FDFT1: variants seen among roughly 807,000 people sequenced by gnomAD.
The protein encoded by FDFT1 is squalene synthase.
Under a neutral mutation model 46.8 loss-of-function variants are expected in FDFT1, and 68 were observed. That is an observed-to-expected ratio of 1.45 (90% CI 1.19 to 1.78). FDFT1 has a LOEUF of 1.78. Among genes scored for constraint, FDFT1 ranks in the 40% most tolerant of loss-of-function variants. FDFT1 has a pLI of 0.00. For synonymous variants in FDFT1, 351 were observed against 185.1 expected (o/e 1.90, Z -7.28); for missense variants, 928 against 524.4 (o/e 1.77, Z -7.52).
intron 7 of FDFT1, among the ~76,000 whole-genome samples, chr8:11,833,436 A>G (rs1393290215): frequency 6.6e-6 from 1 of 152,224 alleles, no homozygotes; most frequent in African/African-American, 2.4e-5. Context: ...TATAAACTAG[A>G]AACATTTTAT....
intron 3 of FDFT1, among the ~76,000 whole-genome samples, chr8:11,817,221 ACTTGATC>A (rs1554520422): frequency 1.3e-5 from 2 of 152,226 alleles, no homozygotes; most frequent in Non-Finnish European, 2.9e-5. Context: ...GATGAAGCCG[ACTTGATC>A]GTGGTGGATA....
Position 11,831,528 on chromosome 8 carries a change from T to C in FDFT1, c.890T>C (p.Ile297Thr). 1 of 1,614,088 alleles carries C rather than the reference T, an allele frequency of 6.2e-7. No homozygotes were observed. Among genetic ancestry groups the C allele is most frequent in the South Asian group, 1.1e-5 (1 of 91,080 alleles). Residue 297 changes from isoleucine to threonine, a missense_variant, in exon 7 of 8, where the codon ATT becomes ACT. Transcript: ENST00000220584. ...TCTTGTTGTCTCTAGGTGATGGCCA[T>C]TGCCACTTTGGCTGCCTGTTATAAT... ...NFCAIPQVMA[I>T]ATLAACYNNQ... is the part of the protein sequence containing the mutation.
At chr8:11,806,053 T>A (rs1014592713) in intron 1 of FDFT1, among the ~76,000 whole-genome samples, 2 of 152,196 alleles carry the variant, frequency 1.3e-5, no homozygotes, top group Non-Finnish European at 2.9e-5. Context: ...AAATCTATTC[T>A]ATTTTAAAGT....
In FDFT1 at chr8:11,814,791, T is replaced by G. The variant is rs556095457; in HGVS notation, c.381+4941T>G. Among the ~76,000 whole-genome samples the G allele has an allele frequency of 7.1e-4, 107 of 149,778 alleles. 1 individual carries two copies. The highest frequency in any genetic ancestry group is 2.3e-3 in the African/African-American group (93 of 40,822). Reference sequence around the variant, plus strand: ...AACTCTATAGCTTCATAATATAAATTGGGTAACTAATGAGATAAAATGGTT... The same window carrying G: ...AACTCTATAGCTTCATAATATAAATGGGGTAACTAATGAGATAAAATGGTT... On this transcript the variant is annotated intron_variant, in intron 3 of 7. Coordinates refer to ENST00000220584, the MANE Select transcript of FDFT1 (RefSeq NM_004462.5).
chr8:11,828,272 C>A (rs1810285627), intron 5 of FDFT1, among the ~76,000 whole-genome samples: 1 of 152,114 alleles, frequency 6.6e-6, no homozygotes, highest in South Asian at 2.1e-4. Flanking sequence ...GCCTGGGAGA[C>A]AGAGCAAAAC....
chr8:11,819,998 C>A (rs1236784748), intron 3 of FDFT1, among the ~76,000 whole-genome samples: 2 of 152,106 alleles, frequency 1.3e-5, no homozygotes, highest in Admixed American at 1.3e-4. Context: ...TACCTTTGGT[C>A]TTTGATTTTG....
At chr8:11,801,508 C>G (rs1241507627), upstream of FDFT1, among the ~76,000 whole-genome samples, 2 of 152,094 alleles carry the variant, frequency 1.3e-5, no homozygotes, top group African/African-American at 4.8e-5. Context: ...TTAGTAGAGA[C>G]GCAGTTTCAG....
Position 11,802,749 on chromosome 8 carries a change from T to C in FDFT1, c.-84T>C, listed in dbSNP as rs746580181. 1.4e-4 allele frequency: 152 copies of C among 1,065,874 alleles called. No individual in the cohort carries two copies. The highest frequency in any genetic ancestry group is 1.9e-4 in the Non-Finnish European group (137 of 706,824). The allele number at this position is 1,065,874 out of a possible 1,614,324, so 66.0% of individuals were successfully genotyped here. On this transcript the variant is annotated 5_prime_UTR_variant, in exon 1 of 8. Transcript: ENST00000220584. Reference sequence around the variant, plus strand: ...TGTCCGGCCAGCCCCTCGAAGCACCTACTCCACAGGTCCAGCCGGCCGGTG... The same window carrying C: ...TGTCCGGCCAGCCCCTCGAAGCACCCACTCCACAGGTCCAGCCGGCCGGTG...
intron 3 of FDFT1, among the ~76,000 whole-genome samples, chr8:11,815,642 T>A (rs1409889608): frequency 6.6e-6 from 1 of 152,244 alleles, no homozygotes; most frequent in Non-Finnish European, 1.5e-5. Context: ...CATTTCTTCA[T>A]ATGTCTGTTG....
intron 3 of FDFT1, among the ~76,000 whole-genome samples, chr8:11,812,328 T>C (rs1349567635): frequency 6.6e-6 from 1 of 152,184 alleles, no homozygotes; most frequent in Non-Finnish European, 1.5e-5. Context: ...CGTGCCACCA[T>C]TGACTGTGCC....
chr8:11,802,920 A>G lies in FDFT1; in HGVS notation c.88A>G (p.Lys30Glu), dbSNP rs757652010. The G allele has an allele frequency of 1.9e-6, 3 of 1,608,836 alleles. No individual in the cohort carries two copies. The African/African-American group carries it at 4.0e-5, about 21-fold the overall frequency. The change falls in exon 1 of 8, where the codon AAG becomes GAG. Residue 30 changes from lysine to glutamate, a missense_variant. Transcript: ENST00000220584. ...RIGGKRKVMPKMDQDSLSSSL... is the reference protein window; with the variant it reads ...RIGGKRKVMPEMDQDSLSSSL... Reference sequence around the variant, plus strand: ...CGGGGGCAAGCGGAAGGTGATGCCCAAGATGGACCAGGTGGGCCGAGCCTC... The same window carrying G: ...CGGGGGCAAGCGGAAGGTGATGCCCGAGATGGACCAGGTGGGCCGAGCCTC...
chr8:11,822,017 C>A, intron 4 of FDFT1, 139 bp downstream of exon 4: 3 of 985,538 alleles, frequency 3.0e-6, no homozygotes, highest in Non-Finnish European at 3.0e-6. Flanking sequence ...GGTTGAATGT[C>A]TCATCATAAA....
intron 5 of FDFT1, among the ~76,000 whole-genome samples, chr8:11,829,521 A>G (rs1007880816): frequency 6.6e-6 from 1 of 152,252 alleles, no homozygotes; most frequent in African/African-American, 2.4e-5. Flanking sequence ...GTCATTATTT[A>G]GAGGCCTGGC....
At chr8:11,820,047 G>A (rs925180164) in intron 3 of FDFT1, among the ~76,000 whole-genome samples, 1 of 152,140 alleles carries the variant, frequency 6.6e-6, no homozygotes, top group African/African-American at 2.4e-5. Flanking sequence ...TGTCCTTTTT[G>A]TTGATATTGA....
intron 7 of FDFT1, among the ~76,000 whole-genome samples, chr8:11,833,992 T>C (rs983197562): frequency 6.6e-6 from 1 of 152,270 alleles, no homozygotes; most frequent in African/African-American, 2.4e-5. Context: ...AAGTAAAGTT[T>C]TAAATGAAAA....
At chr8:11,803,626 G>A (rs1414237950) in intron 1 of FDFT1, 1 of 516,722 alleles carries the variant, frequency 1.9e-6, no homozygotes, top group South Asian at 2.4e-5. Flanking sequence ...ATTCGTACGC[G>A]ATTATTGAAT....
At chr8:11,831,010 C>A (rs138554159) in intron 6 of FDFT1, among the ~76,000 whole-genome samples, 3 of 152,266 alleles carry the variant, frequency 2.0e-5, no homozygotes, top group Non-Finnish European at 4.4e-5. Flanking sequence ...AAATCTGTAT[C>A]GCCGTCTTAT....
chr8:11,797,197 C>T (rs529978790), intron 1 of FDFT1, among the ~76,000 whole-genome samples: 10 of 152,310 alleles, frequency 6.6e-5, no homozygotes, highest in African/African-American at 1.9e-4. Flanking sequence ...ATTTGGTCGG[C>T]TGTCTGAACC....
chr8:11,803,642 G>A (rs201077342), intron 1 of FDFT1: 1 of 490,682 alleles, frequency 2.0e-6, no homozygotes, highest in East Asian at 8.7e-5. Flanking sequence ...TGAATGAATA[G>A]ACAAATTCAG....
Sources: allele counts gnomAD v4.1 joint callset (sites outside exome capture counted in the v4.1 genomes callset), GRCh38; gene constraint gnomAD v4.1.1; transcripts MANE v1.5; gene names NCBI Gene and HGNC (gene_info 2026-07-23, HGNC 2026-07-21).